The following LINGO2 variants were observed in gnomAD, a reference collection of about 807,000 sequenced individuals.
LINGO2 encodes the protein leucine-rich repeat and immunoglobulin-like domain-containing nogo receptor-interacting protein 2.
In LINGO2, 14 loss-of-function variants were observed where a neutral mutation model predicts 30.6. That is an observed-to-expected ratio of 0.46 (90% CI 0.30 to 0.72). LINGO2 has a LOEUF of 0.72. LINGO2 is among the 30% of genes least tolerant of loss of function. The pLI is 0.07. For missense variants in LINGO2, 729 were observed against 751.7 expected (o/e 0.97, Z 0.35); for synonymous variants, 317 against 288.5 (o/e 1.10, Z -1.00).
At chr9:28,293,675 T>C (rs763195797) in intron 4 of LINGO2, among the ~76,000 whole-genome samples, 69 of 152,244 alleles carry the variant, frequency 4.5e-4, no homozygotes, top group Middle Eastern at 3.4e-3. Context: ...AAGAGAGGAA[T>C]GTTAACGTCT....
chr9:29,154,199 T>C, the LINGO2 span, among the ~76,000 whole-genome samples: 4,762 of 152,072 alleles, frequency 0.031, 241 homozygotes, highest in African/African-American at 0.11. Flanking sequence ...AATCCCAGCA[T>C]TTTGGAGAGG....
At chr9:28,682,243 C>T in the LINGO2 span, among the ~76,000 whole-genome samples, 1 of 152,252 alleles carries the variant, frequency 6.6e-6, no homozygotes, top group South Asian at 2.1e-4. Flanking sequence ...ATTACTGAAG[C>T]CCTGAAAAGG....
At chr9:29,096,107 T>A in the LINGO2 span, among the ~76,000 whole-genome samples, 533 of 138,246 alleles carry the variant, frequency 3.9e-3, 90 homozygotes, top group African/African-American at 0.014. Flanking sequence ...GGATTTTTAT[T>A]TGTGTGATGC....
chr9:28,939,249 C>G, the LINGO2 span, among the ~76,000 whole-genome samples: 1 of 152,110 alleles, frequency 6.6e-6, no homozygotes, highest in Non-Finnish European at 1.5e-5. Context: ...AGCCACTCCT[C>G]CTCTGCTAGG....
At chr9:28,660,294 A>C (rs2136006702) in intron 1 of LINGO2, among the ~76,000 whole-genome samples, 1 of 152,262 alleles carries the variant, frequency 6.6e-6, no homozygotes, top group East Asian at 1.9e-4. Context: ...TTAATAACAG[A>C]AACATGAATG....
chr9:29,171,326 C>T, the LINGO2 span, among the ~76,000 whole-genome samples: 1 of 152,028 alleles, frequency 6.6e-6, no homozygotes, highest in Non-Finnish European at 1.5e-5. Context: ...GAGAATAAGC[C>T]TCACACTGAG....
At chr9:28,603,038 T>A (rs1825554950) in intron 1 of LINGO2, among the ~76,000 whole-genome samples, 3 of 152,026 alleles carry the variant, frequency 2.0e-5, no homozygotes. Context: ...AGAAAACAAA[T>A]CCTTTGAAAA....
intron 1 of LINGO2, among the ~76,000 whole-genome samples, chr9:28,562,115 C>T (rs1274220867): frequency 6.6e-6 from 1 of 151,924 alleles, no homozygotes; most frequent in African/African-American, 2.4e-5. Flanking sequence ...GAAGGGTCCA[C>T]ATAATATGGT....
the LINGO2 span, among the ~76,000 whole-genome samples, chr9:28,954,859 C>G: frequency 1.2e-4 from 19 of 152,110 alleles, no homozygotes; most frequent in African/African-American, 4.3e-4. Flanking sequence ...TAACATCACT[C>G]TCGTGAGTTA....
chr9:28,787,771 G>A, the LINGO2 span, among the ~76,000 whole-genome samples: 2 of 152,030 alleles, frequency 1.3e-5, no homozygotes, highest in Admixed American at 1.3e-4. Context: ...AGCTATTTCT[G>A]TAAATACATT....
chr9:28,730,581 C>A, the LINGO2 span, among the ~76,000 whole-genome samples: 1,520 of 152,144 alleles, frequency 1.0e-2, 30 homozygotes, highest in African/African-American at 0.035. Context: ...TTTAGAATAG[C>A]TAGAGAACTC....
At chr9:29,059,968 T>C in the LINGO2 span, among the ~76,000 whole-genome samples, 4 of 152,086 alleles carry the variant, frequency 2.6e-5, no homozygotes, top group East Asian at 7.7e-4. Context: ...CTCTCTCTCA[T>C]TGATTACAAC....
chr9:29,000,725 C>A, the LINGO2 span, among the ~76,000 whole-genome samples: 3 of 151,984 alleles, frequency 2.0e-5, no homozygotes, highest in East Asian at 5.8e-4. Context: ...ATTATCTCTA[C>A]AGATACTTTG....
the LINGO2 span, among the ~76,000 whole-genome samples, chr9:28,940,932 C>G: frequency 6.6e-6 from 1 of 151,404 alleles, no homozygotes; most frequent in Non-Finnish European, 1.5e-5. Context: ...TTTAAATGCC[C>G]CTGAAAAGAG....
the LINGO2 span, among the ~76,000 whole-genome samples, chr9:28,792,661 G>C: frequency 6.6e-6 from 1 of 151,940 alleles, no homozygotes; most frequent in South Asian, 2.1e-4. Context: ...TAATTCTTTA[G>C]TTGAATACTA....
the LINGO2 span, among the ~76,000 whole-genome samples, chr9:29,186,921 A>G: frequency 6.6e-6 from 1 of 152,188 alleles, no homozygotes; most frequent in Admixed American, 6.5e-5. Context: ...GTGTATGACA[A>G]TAATAATAAA....
the LINGO2 span, among the ~76,000 whole-genome samples, chr9:29,110,248 T>A: frequency 6.6e-6 from 1 of 152,230 alleles, no homozygotes; most frequent in African/African-American, 2.4e-5. Flanking sequence ...TTCAAACAAA[T>A]GTCTTGATAG....
the LINGO2 span, among the ~76,000 whole-genome samples, chr9:28,795,675 T>C: frequency 6.6e-6 from 1 of 152,082 alleles, no homozygotes; most frequent in Non-Finnish European, 1.5e-5. Context: ...TGTGCATCCA[T>C]ATTGTGGAAC....
intron 3 of LINGO2, among the ~76,000 whole-genome samples, chr9:28,301,376 A>C (rs1270955006): frequency 6.6e-6 from 1 of 151,576 alleles, no homozygotes; most frequent in Non-Finnish European, 1.5e-5. Context: ...AAAAAAAAAA[A>C]CAAAAAAAAC....
Sources: gnomAD v4.1 joint callset for allele counts (sites outside exome capture counted in the v4.1 genomes callset) on GRCh38, gnomAD v4.1.1 for gene constraint, MANE v1.5 for transcripts, NCBI Gene and HGNC (gene_info 2026-07-23, HGNC 2026-07-21) for gene names.